The following SLC24A2 variants were observed in gnomAD, a reference collection of about 807,000 sequenced individuals.
SLC24A2 encodes the protein sodium/potassium/calcium exchanger 2.
A neutral mutation model predicts 62.0 loss-of-function variants in SLC24A2; 36 were observed. The observed-to-expected ratio is 0.58, with a 90% CI of 0.44 to 0.77. SLC24A2 has a LOEUF of 0.77. SLC24A2 is among the 30% of genes least tolerant of loss of function. The pLI, the probability that SLC24A2 is intolerant of heterozygous loss-of-function variation, is 0.00. For missense variants in SLC24A2, 846 were observed against 817.9 expected (o/e 1.03, Z -0.42); for synonymous variants, 358 against 294.0 (o/e 1.22, Z -2.23).
At chr9:19,825,601 G>T in the SLC24A2 span, among the ~76,000 whole-genome samples, 1 of 152,146 alleles carries the variant, frequency 6.6e-6, no homozygotes, top group Non-Finnish European at 1.5e-5. Flanking sequence ...TGTGATATGT[G>T]TGGAAATTCA....
chr9:19,628,768 A>T (rs1818099349), intron 2 of SLC24A2, among the ~76,000 whole-genome samples: 1 of 152,236 alleles, frequency 6.6e-6, no homozygotes, highest in Admixed American at 6.5e-5. Context: ...CACTGGAAGA[A>T]GAACTATCTT....
chr9:19,571,492 G>A (rs1167958444), intron 7 of SLC24A2, among the ~76,000 whole-genome samples: 3 of 152,050 alleles, frequency 2.0e-5, no homozygotes, highest in African/African-American at 7.2e-5. Flanking sequence ...AGCTCATTGG[G>A]GGAAGTTCTG....
At chr9:19,651,281 T>C (rs1471134871) in intron 2 of SLC24A2, among the ~76,000 whole-genome samples, 4 of 152,232 alleles carry the variant, frequency 2.6e-5, no homozygotes, top group Non-Finnish European at 4.4e-5. Context: ...GTTTTAAGCA[T>C]GTTACATATA....
At chr9:19,902,286 C>A in the SLC24A2 span, among the ~76,000 whole-genome samples, 1 of 152,078 alleles carries the variant, frequency 6.6e-6, no homozygotes, top group East Asian at 1.9e-4. Context: ...TCCATTCAGT[C>A]AGTTGGGAGG....
chr9:19,788,921 C>G lies in SLC24A2; in HGVS notation c.-190G>C, dbSNP rs1365881312. 1 of 985,042 alleles carries G rather than the reference C, an allele frequency of 1.0e-6. No individual in the cohort carries two copies. Among genetic ancestry groups the G allele is most frequent in the African/African-American group, 1.7e-5 (1 of 57,252 alleles). 61.0% of individuals were successfully genotyped at this position (985,042 alleles called of 1,614,324 possible). A position where few individuals can be genotyped will look rare whatever the true frequency, so the allele number is the denominator to read the frequency against. On this transcript the variant is annotated 5_prime_UTR_variant, in exon 1 of 11. Coordinates refer to ENST00000341998, the MANE Select transcript of SLC24A2 (RefSeq NM_020344.4). Reference sequence around the variant, plus strand: ...GGGAGGACGCGCACACGGCGGGGCCCCCGAGCGCGGCCCGCCGCTCCAGTC... The same window carrying G: ...GGGAGGACGCGCACACGGCGGGGCCGCCGAGCGCGGCCCGCCGCTCCAGTC...
chr9:20,078,589 G>T, the SLC24A2 span, among the ~76,000 whole-genome samples: 2 of 152,146 alleles, frequency 1.3e-5, no homozygotes, highest in Non-Finnish European at 2.9e-5. Context: ...CACCCAGGCA[G>T]GCCATGACTG....
the SLC24A2 span, among the ~76,000 whole-genome samples, chr9:20,203,349 A>G: frequency 6.6e-6 from 1 of 152,094 alleles, no homozygotes; most frequent in African/African-American, 2.4e-5. Context: ...TATGGCAGGG[A>G]GTTGCCCTGA....
the SLC24A2 span, among the ~76,000 whole-genome samples, chr9:19,859,353 A>G: frequency 3.9e-5 from 6 of 152,120 alleles, no homozygotes; most frequent in African/African-American, 1.4e-4. Context: ...TTGAGGGTGG[A>G]TGATGGGAAA....
intron 2 of SLC24A2, among the ~76,000 whole-genome samples, chr9:19,753,630 G>A (rs945828883): frequency 2.6e-5 from 4 of 152,004 alleles, no homozygotes; most frequent in African/African-American, 9.7e-5. Flanking sequence ...GTACCCTTAG[G>A]CACTTCCTTG....
the SLC24A2 span, among the ~76,000 whole-genome samples, chr9:19,920,110 T>C: frequency 1.3e-5 from 2 of 152,186 alleles, no homozygotes; most frequent in African/African-American, 4.8e-5. Flanking sequence ...CTTGATATAG[T>C]CATGCAACAT....
chr9:19,947,808 A>AAGAAAGAAAGAAAGAAAGAAAGAG, the SLC24A2 span, among the ~76,000 whole-genome samples: 7 of 59,226 alleles, frequency 1.2e-4, no homozygotes, highest in African/African-American at 5.6e-4. Flanking sequence ...AAAAAAAAAA[A>AAGAAAGAAAGAAAGAAAGAAAGAG]AAAGAAAGAA....
At chr9:19,918,834 T>C in the SLC24A2 span, among the ~76,000 whole-genome samples, 1 of 152,108 alleles carries the variant, frequency 6.6e-6, no homozygotes, top group African/African-American at 2.4e-5. Flanking sequence ...TTACCATGTC[T>C]AACAGGAAGA....
rs529953809 is a variant in SLC24A2 at position 19,788,173 on chromosome 9, A to T, written c.-154+712T>A. Among the ~76,000 whole-genome samples, 5 of 152,344 alleles carry T rather than the reference A, an allele frequency of 3.3e-5. No individual in the cohort carries two copies. The South Asian group carries it at 1.0e-3, about 32-fold the overall frequency. On this transcript the variant is annotated intron_variant, in intron 1 of 10. Coordinates refer to ENST00000341998, the MANE Select transcript of SLC24A2 (RefSeq NM_020344.4). ...GCTCAGGTTTTCAGAGCAAAGCAAG[A>T]GCACAAATCAACCCCGCTGAGTTGC...
At chr9:19,629,008 A>C (rs1818106242) in intron 2 of SLC24A2, among the ~76,000 whole-genome samples, 1 of 152,206 alleles carries the variant, frequency 6.6e-6, no homozygotes, top group South Asian at 2.1e-4. Flanking sequence ...TTTGTAGCAA[A>C]TGAGGCAGAT....
the SLC24A2 span, among the ~76,000 whole-genome samples, chr9:20,261,184 T>A: frequency 1.3e-5 from 2 of 152,150 alleles, no homozygotes; most frequent in African/African-American, 4.8e-5. Flanking sequence ...TGCCTTTGCA[T>A]TCTCATAGCT....
At chr9:19,972,169 C>T in the SLC24A2 span, among the ~76,000 whole-genome samples, 1 of 151,846 alleles carries the variant, frequency 6.6e-6, no homozygotes, top group African/African-American at 2.4e-5. Flanking sequence ...ACTATGAGGC[C>T]AGTATCTTGG....
At chr9:19,984,592 G>C in the SLC24A2 span, among the ~76,000 whole-genome samples, 1 of 152,106 alleles carries the variant, frequency 6.6e-6, no homozygotes, top group East Asian at 1.9e-4. Context: ...TGTAATCCCA[G>C]CTGCTCAGTA....
the SLC24A2 span, among the ~76,000 whole-genome samples, chr9:20,040,168 TA>T: frequency 2.5e-4 from 38 of 152,350 alleles, no homozygotes; most frequent in African/African-American, 8.9e-4. Context: ...AACCAACACT[TA>T]CCATCTTGAA....
the SLC24A2 span, among the ~76,000 whole-genome samples, chr9:20,115,009 G>A: frequency 1.3e-5 from 2 of 152,084 alleles, no homozygotes; most frequent in African/African-American, 2.4e-5. Context: ...ACTTAAATAC[G>A]CTTTTCATAG....
Sources: gnomAD v4.1 joint callset for allele counts (sites outside exome capture counted in the v4.1 genomes callset) on GRCh38, gnomAD v4.1.1 for gene constraint, MANE v1.5 for transcripts, NCBI Gene and HGNC (gene_info 2026-07-23, HGNC 2026-07-21) for gene names.